ITPR1: variants seen among roughly 807,000 people sequenced by gnomAD.
The protein encoded by ITPR1 is inositol 1,4,5-trisphosphate-gated calcium channel ITPR1.
Under a neutral mutation model 318.4 loss-of-function variants are expected in ITPR1, and 96 were observed. That is an observed-to-expected ratio of 0.30 (90% CI 0.26 to 0.36). The LOEUF is 0.36. Among genes scored for constraint, ITPR1 ranks in the 10% least tolerant of loss-of-function variants. ITPR1 has a pLI of 1.00. For synonymous variants in ITPR1, 1,312 were observed against 1,289.9 expected (o/e 1.02, Z -0.37); for missense variants, 2,440 against 3,460.2 (o/e 0.71, Z 7.40).
At chr3:4,590,150 C>T (rs972198635) in intron 4 of ITPR1, among the ~76,000 whole-genome samples, 2 of 151,556 alleles carry the variant, frequency 1.3e-5, no homozygotes, top group Admixed American at 6.6e-5. Context: ...CTGCTTCCCC[C>T]CTTTGTGTCT....
intron 56 of ITPR1, among the ~76,000 whole-genome samples, chr3:4,812,184 G>A (rs2048981894): frequency 6.6e-6 from 1 of 151,936 alleles, no homozygotes; most frequent in African/African-American, 2.4e-5. Context: ...GAAACTGCAG[G>A]CGCCTGCCAC....
At chr3:4,610,942 TCTTCCCCTTCCC>T (rs1294578675) in intron 4 of ITPR1, among the ~76,000 whole-genome samples, 6 of 55,594 alleles carry the variant, frequency 1.1e-4, no homozygotes, top group Non-Finnish European at 1.9e-4. Context: ...TTCCCCTTCC[TCTTCCCCTTCCC>T]CTTCCCCTTC....
At chr3:4,724,144 G>A (rs564001533) in intron 40 of ITPR1, among the ~76,000 whole-genome samples, 3 of 152,284 alleles carry the variant, frequency 2.0e-5, no homozygotes, top group African/African-American at 7.2e-5. Context: ...TCAGAGGGAA[G>A]TTTTCTCCCT....
intron 4 of ITPR1, among the ~76,000 whole-genome samples, chr3:4,545,614 C>T (rs1359939072): frequency 7.1e-6 from 1 of 140,380 alleles, no homozygotes. Flanking sequence ...CAGAACGGGA[C>T]CCGGTCTCAA....
chr3:4,735,411 G>A (rs1407493982), intron 44 of ITPR1, 57 bp downstream of exon 44: 2 of 1,440,022 alleles, frequency 1.4e-6, no homozygotes, highest in African/African-American at 2.8e-5. Flanking sequence ...AGGAGAGTCT[G>A]TTCTGGGAGC....
intron 17 of ITPR1, among the ~76,000 whole-genome samples, chr3:4,666,029 C>T (rs1436601143): frequency 6.6e-6 from 1 of 152,096 alleles, no homozygotes. Flanking sequence ...CCCAGCAGTG[C>T]CAAGGACATC....
intron 16 of ITPR1, among the ~76,000 whole-genome samples, chr3:4,664,600 A>G (rs1356705363): frequency 1.3e-5 from 2 of 152,260 alleles, no homozygotes; most frequent in Non-Finnish European, 2.9e-5. Context: ...TGATTCTCAA[A>G]TTAGACCTCT....
chr3:4,531,188 C>T (rs1240112861), intron 4 of ITPR1, among the ~76,000 whole-genome samples: 1 of 152,160 alleles, frequency 6.6e-6, no homozygotes, highest in Non-Finnish European at 1.5e-5. Context: ...AGTGAATTCA[C>T]AGAGTTGGGC....
At position 4,685,171 on chromosome 3, in the gene ITPR1, G is replaced by A. The variant is rs753688238; in HGVS notation, c.3667G>A (p.Val1223Met). ...GCTCCGGAACATGGGCGCGCACGCC[G>A]TGGTGCTGGAGCTGCTGCAGATTCC... ...RLLRNMGAHA[V>M]VLELLQIPYE... The change falls in exon 30 of 62, where the codon GTG (valine) becomes ATG (methionine). Residue 1223 changes from valine (V) to methionine (M), a missense_variant. Coordinates refer to ENST00000649015, the MANE Select transcript of ITPR1 (RefSeq NM_001378452.1). The A allele has an allele frequency of 1.4e-5, 23 of 1,606,638 alleles. No homozygotes were observed. The highest frequency in any genetic ancestry group is 4.5e-5 in the East Asian group (2 of 44,800).
chr3:4,502,207 A>G (rs1425392219), intron 2 of ITPR1, among the ~76,000 whole-genome samples: 1 of 152,106 alleles, frequency 6.6e-6, no homozygotes, highest in Non-Finnish European at 1.5e-5. Context: ...AGATCCTTCT[A>G]TTCCTTAGGG....
chr3:4,827,918 G>T (rs993354887), intron 60 of ITPR1, among the ~76,000 whole-genome samples: 1 of 151,850 alleles, frequency 6.6e-6, no homozygotes, highest in African/African-American at 2.4e-5. Flanking sequence ...AACAGTGCTG[G>T]TACCCTTCTC....
At chr3:4,504,728 T>A (rs1270353052) in intron 2 of ITPR1, among the ~76,000 whole-genome samples, 1 of 152,160 alleles carries the variant, frequency 6.6e-6, no homozygotes, top group Admixed American at 6.5e-5. Context: ...TAACCCTGAG[T>A]GCCCAGGAAC....
chr3:4,493,810 T>C (rs945796099), intron 1 of ITPR1, among the ~76,000 whole-genome samples: 6 of 152,118 alleles, frequency 3.9e-5, no homozygotes, highest in African/African-American at 1.4e-4. Flanking sequence ...GTGCGTGGCT[T>C]TGGGGGCTCC....
At chr3:4,789,323 A>T (rs1018458270) in intron 52 of ITPR1, among the ~76,000 whole-genome samples, 1 of 152,158 alleles carries the variant, frequency 6.6e-6, no homozygotes, top group Admixed American at 6.5e-5. Context: ...GTGCAATTCT[A>T]CCTGGTATCA....
chr3:4,726,825 C>A (rs2042551142), intron 41 of ITPR1, among the ~76,000 whole-genome samples: 1 of 152,180 alleles, frequency 6.6e-6, no homozygotes, highest in Admixed American at 6.5e-5. Flanking sequence ...GTTAATGTCA[C>A]AGCATATAAT....
intron 42 of ITPR1, among the ~76,000 whole-genome samples, chr3:4,730,882 C>T (rs1444008703): frequency 2.0e-5 from 3 of 152,158 alleles, no homozygotes; most frequent in Non-Finnish European, 4.4e-5. Context: ...GCGATGGCTA[C>T]GTTGGCTGTC....
At chr3:4,786,404 G>A (rs1379403327) in intron 51 of ITPR1, among the ~76,000 whole-genome samples, 2 of 152,212 alleles carry the variant, frequency 1.3e-5, no homozygotes, top group Non-Finnish European at 1.5e-5. Flanking sequence ...AGAACTTATG[G>A]AGGCAGGGCT....
chr3:4,686,464 T>G (rs144447896), intron 30 of ITPR1, among the ~76,000 whole-genome samples: 2 of 152,332 alleles, frequency 1.3e-5, no homozygotes, highest in East Asian at 3.9e-4. Context: ...TACTTCCTTG[T>G]GTGTAAGGAA....
intron 54 of ITPR1, among the ~76,000 whole-genome samples, chr3:4,802,302 T>A (rs950851265): frequency 1.3e-5 from 2 of 152,218 alleles, no homozygotes; most frequent in African/African-American, 4.8e-5. Context: ...GGAAACTCTG[T>A]TCCCAGTAGT....
Sources: allele counts gnomAD v4.1 joint callset (sites outside exome capture counted in the v4.1 genomes callset), GRCh38; gene constraint gnomAD v4.1.1; transcripts MANE v1.5; gene names NCBI Gene and HGNC (gene_info 2026-07-23, HGNC 2026-07-21).